Variants in FKBP5 observed in about 807,000 individuals in gnomAD.
FKBP5 encodes the protein FKBP prolyl isomerase 5, also known as peptidyl-prolyl cis-trans isomerase FKBP5.
A neutral mutation model predicts 50.5 loss-of-function variants in FKBP5; 23 were observed. That is an observed-to-expected ratio of 0.46 (90% CI 0.33 to 0.65). The LOEUF is 0.65. Among genes scored for constraint, FKBP5 ranks in the 30% least tolerant of loss-of-function variants. The probability of loss-of-function intolerance (pLI) is 0.02; values close to 1 mark genes in which losing one functional copy is unlikely to be tolerated. For missense variants in FKBP5, 411 were observed against 553.1 expected (o/e 0.74, Z 2.58); for synonymous variants, 176 against 190.6 (o/e 0.92, Z 0.63).
At chr6:35,584,036 C>T in intron 8 of FKBP5, 1 of 985,418 alleles carries the variant, frequency 1.0e-6, no homozygotes, top group Non-Finnish European at 1.2e-6. Flanking sequence ...GTGTTCTTAG[C>T]CTTCTTGCCA....
At chr6:35,665,518 T>C (rs922874910) in intron 1 of FKBP5, among the ~76,000 whole-genome samples, 42 of 152,224 alleles carry the variant, frequency 2.8e-4, no homozygotes, top group African/African-American at 9.9e-4. Flanking sequence ...CTCAATCTCT[T>C]GACTTCATGA....
intron 3 of FKBP5, among the ~76,000 whole-genome samples, chr6:35,628,767 G>C (rs1764069663): frequency 6.6e-6 from 1 of 152,112 alleles, no homozygotes; most frequent in African/African-American, 2.4e-5. Context: ...CGCCCAGGCT[G>C]GAGTGCAATG....
chr6:35,623,124 C>G (rs1178622918), intron 3 of FKBP5, among the ~76,000 whole-genome samples: 3 of 152,166 alleles, frequency 2.0e-5, no homozygotes, highest in Non-Finnish European at 4.4e-5. Flanking sequence ...CGCCTGTAGT[C>G]CCAGCTACTC....
chr6:35,720,745 C>A (rs996554355), intron 1 of FKBP5, among the ~76,000 whole-genome samples: 6 of 152,174 alleles, frequency 3.9e-5, no homozygotes, highest in Admixed American at 1.3e-4. Context: ...GTCCCCAGCT[C>A]CTTGGAGCCA....
intron 1 of FKBP5, chr6:35,728,445 AC>A (rs1050534216): frequency 1.1e-4 from 17 of 151,856 alleles, no homozygotes; most frequent in Admixed American, 7.2e-4. Flanking sequence ...TCCTCACCCC[AC>A]CCGACAGGTG....
chr6:35,671,669 T>C (rs928770533), intron 1 of FKBP5, among the ~76,000 whole-genome samples: 5 of 152,158 alleles, frequency 3.3e-5, no homozygotes, highest in African/African-American at 1.2e-4. Context: ...GCAAAATTTA[T>C]TACTATGTAA....
Position 35,637,122 on chromosome 6 carries a change from T to A in FKBP5, c.142A>T (p.Met48Leu). ...KRVGNGEETP[M>L]IGDKVYVHYK... Reference sequence around the variant, plus strand: ...TGGACATAAACTTTGTCTCCAATCATCGGCGTTTCCTCACCATTCCCCACT... The same window carrying A: ...TGGACATAAACTTTGTCTCCAATCAACGGCGTTTCCTCACCATTCCCCACT... The change falls in exon 3 of 11, where the codon ATG becomes TTG. Residue 48 changes from methionine (M) to leucine (L), a missense_variant. Met to Leu is a conservative substitution (Grantham distance 15). Coordinates refer to ENST00000357266, the MANE Select transcript of FKBP5 (RefSeq NM_004117.4). The A allele has an allele frequency of 1.9e-6, 3 of 1,610,538 alleles. No individual in the cohort carries two copies. The highest frequency in any genetic ancestry group is 2.5e-6 in the Non-Finnish European group (3 of 1,179,284).
At chr6:35,720,464 T>A (rs1014707494) in exon 2 of FKBP5, 1 of 152,388 alleles carries the variant, frequency 6.6e-6, no homozygotes, top group Non-Finnish European at 1.5e-5. Flanking sequence ...CGCTTCGTAG[T>A]CCCTGTCTCT....
At chr6:35,657,210 G>A (rs1340721663) in intron 1 of FKBP5, among the ~76,000 whole-genome samples, 4 of 152,140 alleles carry the variant, frequency 2.6e-5, no homozygotes, top group African/African-American at 2.4e-5. Context: ...GTGAGACTCC[G>A]TCTCAAGTAA....
upstream of FKBP5, among the ~76,000 whole-genome samples, chr6:35,689,943 C>T (rs949318708): frequency 6.6e-6 from 1 of 152,186 alleles, no homozygotes; most frequent in African/African-American, 2.4e-5. Flanking sequence ...GCAGGAGCTG[C>T]ACCTGGGCCT....
chr6:35,680,024 T>G (rs1056197092), intron 1 of FKBP5, among the ~76,000 whole-genome samples: 13 of 152,148 alleles, frequency 8.5e-5, no homozygotes, highest in African/African-American at 2.9e-4. Context: ...TATCAATGAT[T>G]AATTTGTTGA....
intron 1 of FKBP5, among the ~76,000 whole-genome samples, chr6:35,646,207 G>C: frequency 6.6e-6 from 1 of 152,134 alleles, no homozygotes; most frequent in East Asian, 1.9e-4. Context: ...CGAGTAAATA[G>C]GCAACCTGTA....
intron 5 of FKBP5, among the ~76,000 whole-genome samples, chr6:35,613,001 A>T (rs189144592): frequency 1.2e-4 from 19 of 152,242 alleles, no homozygotes; most frequent in African/African-American, 4.6e-4. Context: ...TAAAGTCATA[A>T]AAGTATCAGG....
chr6:35,714,198 T>A (rs1334312228), intron 2 of FKBP5, among the ~76,000 whole-genome samples: 3 of 147,942 alleles, frequency 2.0e-5, no homozygotes, highest in African/African-American at 7.6e-5. Context: ...ACACCTGTAA[T>A]CCCAGCACTT....
chr6:35,622,845 T>C lies in FKBP5; in HGVS notation c.251-2571A>G, dbSNP rs145679521. Among the ~76,000 whole-genome samples the C allele has an allele frequency of 6.8e-3, 1,029 of 152,334 alleles. 11 individuals are homozygous for C. Among genetic ancestry groups the C allele is most frequent in the African/African-American group, 0.024 (990 of 41,574 alleles). On this transcript the variant is annotated intron_variant, in intron 3 of 10. Transcript: ENST00000357266. ...TGAATACCAAGTTTGCCCTTTACTATCTGTGTAAACTTGTGCAAGTTATTT... is the reference window on the plus strand; with the variant it reads ...TGAATACCAAGTTTGCCCTTTACTACCTGTGTAAACTTGTGCAAGTTATTT...
At chr6:35,719,286 G>A (rs1455272729) in intron 2 of FKBP5, among the ~76,000 whole-genome samples, 1 of 152,276 alleles carries the variant, frequency 6.6e-6, no homozygotes, top group East Asian at 1.9e-4. Context: ...ATGATCTATG[G>A]TGATAGAAAT....
intron 1 of FKBP5, among the ~76,000 whole-genome samples, chr6:35,721,067 T>C (rs931333297): frequency 6.6e-6 from 1 of 152,084 alleles, no homozygotes; most frequent in African/African-American, 2.4e-5. Flanking sequence ...ATAAGAATTT[T>C]AGGGCCGGGC....
chr6:35,595,753 A>T (rs1373840486), intron 6 of FKBP5, among the ~76,000 whole-genome samples: 1 of 151,990 alleles, frequency 6.6e-6, no homozygotes, highest in Non-Finnish European at 1.5e-5. Context: ...CTGTTACCAA[A>T]AAAAAAAAAG....
intron 1 of FKBP5, among the ~76,000 whole-genome samples, chr6:35,665,805 A>C (rs1765198656): frequency 6.6e-6 from 1 of 152,186 alleles, no homozygotes; most frequent in Non-Finnish European, 1.5e-5. Flanking sequence ...TGATGGTGAG[A>C]AGGCGATACA....
Sources: allele counts gnomAD v4.1 joint callset (sites outside exome capture counted in the v4.1 genomes callset), GRCh38; gene constraint gnomAD v4.1.1; transcripts MANE v1.5; gene names NCBI Gene and HGNC (gene_info 2026-07-23, HGNC 2026-07-21).